Variants in ELAVL4 observed in about 807,000 individuals in gnomAD.
ELAVL4 encodes ELAV-like protein 4.
ELAVL4 carries 1 observed loss-of-function variant against 35.6 expected under a neutral mutation model. That is an observed-to-expected ratio of 0.03 (90% CI 0.01 to 0.13). The LOEUF (loss-of-function observed/expected upper bound fraction) is 0.13. Ranked by LOEUF, ELAVL4 falls within the 10% of genes least tolerant of loss-of-function variation. The pLI is 1.00. For missense variants in ELAVL4, 267 were observed against 464.9 expected (o/e 0.57, Z 3.91); for synonymous variants, 156 against 171.0 (o/e 0.91, Z 0.69).
At chr1:50,108,677 G>T (rs189435848), upstream of ELAVL4, among the ~76,000 whole-genome samples, 5 of 152,200 alleles carry the variant, frequency 3.3e-5, no homozygotes, top group East Asian at 9.7e-4. Context: ...GAGGGAAAAG[G>T]TAAAAATACA....
intron 1 of ELAVL4, among the ~76,000 whole-genome samples, chr1:50,137,082 G>A (rs1167795284): frequency 1.3e-5 from 2 of 152,230 alleles, no homozygotes; most frequent in African/African-American, 4.8e-5. Context: ...GGTAAGACAG[G>A]GTTCTAAACC....
intron 1 of ELAVL4, among the ~76,000 whole-genome samples, chr1:50,087,362 T>C (rs1485450455): frequency 6.6e-6 from 1 of 152,206 alleles, no homozygotes; most frequent in African/African-American, 2.4e-5. Context: ...TGTCTTCCAC[T>C]CTAGTACTTT....
At chr1:50,118,065 G>A (rs898027645) in intron 1 of ELAVL4, among the ~76,000 whole-genome samples, 3 of 152,038 alleles carry the variant, frequency 2.0e-5, no homozygotes, top group African/African-American at 7.2e-5. Context: ...TCATGAAAGA[G>A]CCTGTTAGGA....
intron 1 of ELAVL4, among the ~76,000 whole-genome samples, chr1:50,073,691 A>G (rs1225031228): frequency 1.3e-5 from 2 of 152,180 alleles, no homozygotes; most frequent in African/African-American, 4.8e-5. Flanking sequence ...AAACATTAAC[A>G]TGAAATGTTA....
intron 1 of ELAVL4, among the ~76,000 whole-genome samples, chr1:50,064,364 A>G (rs570011365): frequency 1.3e-5 from 2 of 152,168 alleles, no homozygotes; most frequent in African/African-American, 4.8e-5. Flanking sequence ...TGTATGATGC[A>G]TGGCTTGCAT....
chr1:50,151,895 A>T (rs1265308360), intron 2 of ELAVL4, among the ~76,000 whole-genome samples: 1 of 152,178 alleles, frequency 6.6e-6, no homozygotes, highest in Non-Finnish European at 1.5e-5. Context: ...TGGCAGCCTA[A>T]TGGGGTTGCA....
chr1:50,063,820 C>T (rs575627969), intron 1 of ELAVL4, among the ~76,000 whole-genome samples: 1 of 152,160 alleles, frequency 6.6e-6, no homozygotes, highest in Non-Finnish European at 1.5e-5. Context: ...TCAGTTAGAA[C>T]CTCTTACTGG....
chr1:50,179,262 G>A (rs777410799), intron 3 of ELAVL4, among the ~76,000 whole-genome samples: 8 of 151,818 alleles, frequency 5.3e-5, no homozygotes, highest in Non-Finnish European at 1.0e-4. Context: ...CAAAATGCAC[G>A]ATGCCATGGC....
Position 50,079,929 on chromosome 1 carries a change from C to T in ELAVL4, c.18+31747C>T, listed in dbSNP as rs575369137. 3.3e-5 allele frequency among the ~76,000 whole-genome samples: 5 copies of T among 152,212 alleles called. 1 individual carries two copies. The highest frequency in any genetic ancestry group is 7.2e-5 in the African/African-American group (3 of 41,544). On this transcript the variant is annotated intron_variant, in intron 1 of 6. Coordinates refer to the ELAVL4 transcript ENST00000448907. ...CTCACTTCCCAAAGACACCCTTCTC[C>T]CTCTCTCTTTTGTTATTAAGCTCAT... is the stretch of plus-strand genomic sequence containing the variant.
chr1:50,063,389 T>C (rs1664100765), intron 1 of ELAVL4, among the ~76,000 whole-genome samples: 1 of 152,180 alleles, frequency 6.6e-6, no homozygotes, highest in Non-Finnish European at 1.5e-5. Flanking sequence ...TCTACTGTTG[T>C]TTTGTTTGTT....
At chr1:50,190,616 G>A (rs567108342) in intron 3 of ELAVL4, among the ~76,000 whole-genome samples, 1 of 152,320 alleles carries the variant, frequency 6.6e-6, no homozygotes, top group Non-Finnish European at 1.5e-5. Flanking sequence ...TGGGGATTTA[G>A]GGTCTGTCTC....
intron 1 of ELAVL4, among the ~76,000 whole-genome samples, chr1:50,117,502 G>T (rs1668164779): frequency 6.6e-6 from 1 of 152,142 alleles, no homozygotes; most frequent in Non-Finnish European, 1.5e-5. Context: ...AACTTAAGTT[G>T]GAATCCTAGC....
intron 2 of ELAVL4, among the ~76,000 whole-genome samples, chr1:50,162,251 T>G (rs1676926798): frequency 6.6e-6 from 1 of 152,210 alleles, no homozygotes; most frequent in African/African-American, 2.4e-5. Context: ...ATTCACTTAT[T>G]GAATTCATTC....
At chr1:50,197,623 A>G (rs1346247867) in intron 6 of ELAVL4, 156 bp downstream of exon 6, 1 of 640,626 alleles carries the variant, frequency 1.6e-6, no homozygotes, top group Non-Finnish European at 2.4e-6. Flanking sequence ...TTCGGACCTC[A>G]GTTGATTTTG....
intron 2 of ELAVL4, among the ~76,000 whole-genome samples, chr1:50,157,192 T>TAAAGA (rs1386009351): frequency 6.6e-6 from 1 of 152,126 alleles, no homozygotes; most frequent in Non-Finnish European, 1.5e-5. Flanking sequence ...AGTGGAAGGA[T>TAAAGA]CCACTAAGTT....
In ELAVL4 at chr1:50,078,645, G is replaced by A. The variant is rs373242147; in HGVS notation, c.18+30463G>A. Among the ~76,000 whole-genome samples, 48 of 152,252 alleles carry A rather than the reference G, an allele frequency of 3.2e-4. 1 individual carries two copies. The South Asian group carries it at 8.7e-3, about 28-fold the overall frequency. ...TGAGTGGAACTGGAACATTCAGTTC[G>A]TCCTACTGTCTGTCATCTCTAACCC... On this transcript the variant is annotated intron_variant, in intron 1 of 6. Coordinates refer to the ELAVL4 transcript ENST00000448907.
chr1:50,078,372 A>G (rs1303527744), intron 1 of ELAVL4, among the ~76,000 whole-genome samples: 1 of 152,048 alleles, frequency 6.6e-6, no homozygotes, highest in Admixed American at 6.6e-5. Context: ...AATTTCCAAA[A>G]CACTACTTGG....
intron 3 of ELAVL4, chr1:50,179,593 T>A (rs1032500074): frequency 6.6e-6 from 1 of 152,224 alleles, no homozygotes; most frequent in Non-Finnish European, 1.5e-5. Flanking sequence ...ACATGAGATC[T>A]ATCTCTTTGC....
Position 50,079,512 on chromosome 1 carries a change from A to T in ELAVL4, c.18+31330A>T, listed in dbSNP as rs115174021. The stretch of plus-strand genomic sequence containing the variant: ...CAGGTCTTTATACCCTATGTTGATC[A>T]CTCACTGGATGTGGACACCTCAAGA... On this transcript the variant is annotated intron_variant, in intron 1 of 6. Coordinates refer to the ELAVL4 transcript ENST00000448907. 1.7e-3 allele frequency among the ~76,000 whole-genome samples: 252 copies of T among 152,296 alleles called. 2 individuals carry two copies. Among genetic ancestry groups the T allele is most frequent in the African/African-American group, 5.8e-3 (242 of 41,558 alleles).
Sources: allele counts gnomAD v4.1 joint callset (sites outside exome capture counted in the v4.1 genomes callset), GRCh38; gene constraint gnomAD v4.1.1; transcripts MANE v1.5; gene names NCBI Gene and HGNC (gene_info 2026-07-23, HGNC 2026-07-21).